The following TET2 variants were observed in gnomAD, a reference collection of about 807,000 sequenced individuals.
TET2 encodes tet methylcytosine dioxygenase 2, also known as methylcytosine dioxygenase TET2.
TET2 carries 299 observed loss-of-function variants against 142.9 expected under a neutral mutation model. The observed-to-expected ratio is 2.09, with a 90% CI of 1.90 to 2.30. The LOEUF (loss-of-function observed/expected upper bound fraction) is 2.30. TET2 is among the 30% of genes most tolerant of loss of function. The pLI is 0.00. For missense variants in TET2, 2,418 were observed against 2,378.0 expected, an observed-to-expected ratio of 1.02 and a Z score of -0.35; for synonymous variants, 819 against 849.0, an observed-to-expected ratio of 0.96 and a Z score of 0.61.
rs2647257 is a variant in TET2 at position 105,278,348 on chromosome 4, A to T, written c.*1829A>T. ...CACTAGTTTGGCAATAGGATATTGA[A>T]CTGAGAGTGAAAGCATTGTGTACCA... On this transcript the variant is annotated 3_prime_UTR_variant, in exon 11 of 11. Transcript: ENST00000380013. The T allele has an allele frequency of 0.29, 61,847 of 214,846 alleles. 9,892 individuals carry two copies. Among genetic ancestry groups the T allele is most frequent in the Non-Finnish European group, 0.36 (38,795 of 107,046 alleles). 13.3% of individuals were successfully genotyped at this position (214,846 alleles called of 1,614,324 possible).
Position 105,235,498 on chromosome 4 carries a change from T to G in TET2, c.1556T>G (p.Phe519Cys), listed in dbSNP as rs1452924342. 3 of 1,614,010 alleles carry G rather than the reference T, an allele frequency of 1.9e-6. No individual in the cohort carries two copies. The highest frequency in any genetic ancestry group is 2.5e-6 in the Non-Finnish European group (3 of 1,180,020). ...CACCTCAAGCATAACCCACCAATTT[T>G]TGGTAGCAGTGGAGAGCTACAGGAC... is the stretch of plus-strand genomic sequence containing the variant. ...SEHLKHNPPI[F>C]GSSGELQDNC... Residue 519 changes from phenylalanine (F) to cysteine (C), a missense_variant, in exon 3 of 11, where the codon TTT becomes TGT. Transcript: ENST00000380013.
intron 1 of TET2, among the ~76,000 whole-genome samples, chr4:105,174,503 A>G (rs945631804): frequency 1.3e-5 from 2 of 152,252 alleles, no homozygotes; most frequent in Non-Finnish European, 2.9e-5. Flanking sequence ...AAACCACTGC[A>G]TCAAATATTA....
At position 105,275,785 on chromosome 4, in the gene TET2, C is replaced by A. The variant is rs778153146; in HGVS notation, c.5275C>A (p.Pro1759Thr). 1.3e-6 allele frequency: 2 copies of A among 1,551,600 alleles called. No individual in the cohort carries two copies. Among genetic ancestry groups the A allele is most frequent in the Admixed American group, 3.9e-5 (2 of 50,984 alleles). ...MDYKNGEHHS[P>T]SHIIHNYSAA... ...CTATAAAAATGGTGAACATCATTCA[C>A]CTTCTCACATAATCCATAACTACAG... Residue 1759 changes from proline to threonine, a missense_variant, in exon 11 of 11, where the codon CCT (proline) becomes ACT (threonine). Pro to Thr is a conservative substitution (Grantham distance 38). Transcript: ENST00000380013.
At chr4:105,174,769 G>A (rs1344342473) in intron 1 of TET2, among the ~76,000 whole-genome samples, 3 of 152,140 alleles carry the variant, frequency 2.0e-5, no homozygotes, top group Non-Finnish European at 4.4e-5. Context: ...TTCCCTAAGG[G>A]GAGAAGAAAA....
intron 5 of TET2, among the ~76,000 whole-genome samples, chr4:105,243,265 T>G (rs542498692): frequency 6.6e-6 from 1 of 152,214 alleles, no homozygotes; most frequent in South Asian, 2.1e-4. Context: ...CTAAGACTTA[T>G]GTATCTTTCA....
At chr4:105,149,949 T>C (rs1488448107) in intron 1 of TET2, among the ~76,000 whole-genome samples, 2 of 152,250 alleles carry the variant, frequency 1.3e-5, no homozygotes, top group African/African-American at 4.8e-5. Context: ...GGTCTTGTAT[T>C]AGGTAACAAC....
At chr4:105,258,864 G>A (rs778586817) in intron 6 of TET2, among the ~76,000 whole-genome samples, 3 of 152,094 alleles carry the variant, frequency 2.0e-5, no homozygotes, top group African/African-American at 7.2e-5. Flanking sequence ...CTATAAAGCT[G>A]TAATACTATA....
At chr4:105,271,480 G>GAAGTAAAATGGAAAGGAGC (rs373449780) in intron 9 of TET2, among the ~76,000 whole-genome samples, 1 of 152,182 alleles carries the variant, frequency 6.6e-6, no homozygotes, top group African/African-American at 2.4e-5. Context: ...TGGGTTCTGT[G>GAAGTAAAATGGAAAGGAGC]AAGTAAAATG....
intron 1 of TET2, among the ~76,000 whole-genome samples, chr4:105,178,804 G>GA (rs1429589393): frequency 6.6e-6 from 1 of 151,972 alleles, no homozygotes; most frequent in Admixed American, 6.6e-5. Context: ...TAGGCAATCT[G>GA]AAAAAATGTT....
intron 8 of TET2, among the ~76,000 whole-genome samples, chr4:105,263,955 T>C (rs1730564691): frequency 6.6e-6 from 1 of 152,130 alleles, no homozygotes; most frequent in African/African-American, 2.4e-5. Flanking sequence ...GGTATGGGGC[T>C]CTGGGATGGG....
At chr4:105,260,580 T>TA (rs1730375959) in intron 7 of TET2, among the ~76,000 whole-genome samples, 1 of 152,150 alleles carries the variant, frequency 6.6e-6, no homozygotes, top group Admixed American at 6.6e-5. Context: ...TCTATACACT[T>TA]ACAATTATCT....
intron 1 of TET2, among the ~76,000 whole-genome samples, chr4:105,152,859 A>G (rs556852845): frequency 2.2e-4 from 33 of 152,158 alleles, no homozygotes; most frequent in African/African-American, 7.7e-4. Context: ...GGTCTCCCAA[A>G]GTGCTGGGAT....
At chr4:105,267,409 C>T (rs893311307) in intron 8 of TET2, among the ~76,000 whole-genome samples, 5 of 151,314 alleles carry the variant, frequency 3.3e-5, no homozygotes, top group South Asian at 4.2e-4. Flanking sequence ...GTTTATAACA[C>T]GTAGAAGTAG....
chr4:105,217,342 G>C (rs1434392212), intron 2 of TET2, among the ~76,000 whole-genome samples: 1 of 152,048 alleles, frequency 6.6e-6, no homozygotes, highest in Non-Finnish European at 1.5e-5. Flanking sequence ...ATAGGTATGT[G>C]TCCTTTGCTC....
At chr4:105,151,419 C>T (rs1017084046) in intron 1 of TET2, among the ~76,000 whole-genome samples, 4 of 151,682 alleles carry the variant, frequency 2.6e-5, no homozygotes, top group Non-Finnish European at 5.9e-5. Flanking sequence ...TTAAATGTGT[C>T]ATACTTCAAA....
chr4:105,209,049 G>GTGTATATATATATA (rs71584291), intron 2 of TET2, among the ~76,000 whole-genome samples: 2 of 44,354 alleles, frequency 4.5e-5, no homozygotes, highest in Non-Finnish European at 1.6e-4. Context: ...TCAAGGCATG[G>GTGTATATATATATA]TATATATATA....
intron 2 of TET2, among the ~76,000 whole-genome samples, chr4:105,226,540 A>T (rs966732634): frequency 1.3e-5 from 2 of 151,936 alleles, no homozygotes; most frequent in Non-Finnish European, 2.9e-5. Context: ...TGTCCTCCTG[A>T]TAGTGAGTTC....
chr4:105,265,713 CAG>C (rs938595069), intron 8 of TET2, among the ~76,000 whole-genome samples: 4 of 152,102 alleles, frequency 2.6e-5, no homozygotes, highest in African/African-American at 7.2e-5. Flanking sequence ...ATGGAGTAAA[CAG>C]AGACTACATA....
chr4:105,272,353 A>T (rs1416441500), intron 9 of TET2, among the ~76,000 whole-genome samples: 1 of 152,180 alleles, frequency 6.6e-6, no homozygotes, highest in Non-Finnish European at 1.5e-5. Flanking sequence ...GTGGGTGGGC[A>T]ATGTCAATTT....
Sources: allele counts gnomAD v4.1 joint callset (sites outside exome capture counted in the v4.1 genomes callset), GRCh38; gene constraint gnomAD v4.1.1; transcripts MANE v1.5; gene names NCBI Gene and HGNC (gene_info 2026-07-23, HGNC 2026-07-21).